The following SLC35G2 variants were observed in gnomAD, a reference collection of about 807,000 sequenced individuals.
SLC35G2 encodes the protein solute carrier family 35 member G2.
Under a neutral mutation model 27.2 loss-of-function variants are expected in SLC35G2, and 20 were observed. The observed-to-expected ratio is 0.74, with a 90% CI of 0.52 to 1.07. The LOEUF is 1.07. Ranked by LOEUF, SLC35G2 falls within the 50% of genes least tolerant of loss-of-function variation. The pLI, the probability that SLC35G2 is intolerant of heterozygous loss-of-function variation, is 0.00. For synonymous variants in SLC35G2, 148 were observed against 165.3 expected (o/e 0.90, Z 0.80); for missense variants, 416 against 493.3 (o/e 0.84, Z 1.48).
chr3:136,822,823 T>C (rs1191151862), intron 1 of SLC35G2, among the ~76,000 whole-genome samples: 3 of 152,216 alleles, frequency 2.0e-5, no homozygotes, highest in Admixed American at 1.3e-4. Flanking sequence ...GATGGACACT[T>C]ACGTTGCTTC....
At chr3:136,828,125 C>T (rs1227484462) in intron 1 of SLC35G2, among the ~76,000 whole-genome samples, 1 of 152,204 alleles carries the variant, frequency 6.6e-6, no homozygotes, top group Admixed American at 6.5e-5. Flanking sequence ...CCGCACCCAA[C>T]CTTTTTAATG....
intron 1 of SLC35G2, chr3:136,838,937 C>T (rs1051672076): frequency 5.3e-5 from 8 of 152,180 alleles, no homozygotes; most frequent in African/African-American, 1.4e-4. Flanking sequence ...ATTTAATTAG[C>T]ATCTAACCTA....
chr3:136,825,417 A>G (rs1161334621), intron 1 of SLC35G2, among the ~76,000 whole-genome samples: 1 of 151,552 alleles, frequency 6.6e-6, no homozygotes, highest in East Asian at 1.9e-4. Context: ...AATTTTTTGT[A>G]TTTTTAGTAG....
chr3:136,848,205 T>A (rs1937480658), intron 1 of SLC35G2, among the ~76,000 whole-genome samples: 1 of 152,230 alleles, frequency 6.6e-6, no homozygotes, highest in Non-Finnish European at 1.5e-5. Context: ...GATTAGGGGC[T>A]ATTTATTTAT....
chr3:136,831,222 T>C (rs1936722766), intron 1 of SLC35G2, among the ~76,000 whole-genome samples: 1 of 152,206 alleles, frequency 6.6e-6, no homozygotes, highest in Non-Finnish European at 1.5e-5. Context: ...CTTTTTGGAT[T>C]CCCTTACTTT....
In SLC35G2 at chr3:136,821,185, T is replaced by C. The variant is rs374755836; in HGVS notation, c.-19+1557T>C. On this transcript the variant is annotated intron_variant, in intron 1 of 1. Coordinates refer to ENST00000446465, the MANE Select transcript of SLC35G2 (RefSeq NM_025246.3). Reference sequence around the variant, plus strand: ...AATGCATAAACATAGAAAACCATTGTAAACAGATTTTCATTTAGATGAACA... The same window carrying C: ...AATGCATAAACATAGAAAACCATTGCAAACAGATTTTCATTTAGATGAACA... 2.6e-5 allele frequency among the ~76,000 whole-genome samples: 4 copies of C among 152,224 alleles called. No individual in the cohort carries two copies. The East Asian group carries it at 5.8e-4, about 22-fold the overall frequency.
intron 1 of SLC35G2, among the ~76,000 whole-genome samples, chr3:136,841,544 C>T (rs1190593579): frequency 6.6e-6 from 1 of 151,992 alleles, no homozygotes; most frequent in Admixed American, 6.6e-5. Flanking sequence ...GCCTGACTAA[C>T]ATGGAGAAAC....
In SLC35G2 at chr3:136,821,084, G is replaced by T. The variant is rs138055665; in HGVS notation, c.-19+1456G>T. 1.1e-3 allele frequency among the ~76,000 whole-genome samples: 167 copies of T among 152,152 alleles called. 1 individual carries two copies. In the East Asian group the frequency reaches 0.03, roughly 28 times the overall value. Reference sequence around the variant, plus strand: ...TGTGAAGTTCTTAAAGTTTACATTTGTATTTTTCAAAAACATTGGTATTGT... The same window carrying T: ...TGTGAAGTTCTTAAAGTTTACATTTTTATTTTTCAAAAACATTGGTATTGT... On this transcript the variant is annotated intron_variant, in intron 1 of 1. Coordinates refer to ENST00000446465, the MANE Select transcript of SLC35G2 (RefSeq NM_025246.3).
In SLC35G2 at chr3:136,846,918, C is replaced by G. The variant is rs556753202; in HGVS notation, c.-18-7525C>G. Among the ~76,000 whole-genome samples the G allele has an allele frequency of 2.6e-5, 4 of 152,214 alleles. No individual in the cohort carries two copies. The South Asian group carries it at 8.3e-4, about 32-fold the overall frequency. On this transcript the variant is annotated intron_variant, in intron 1 of 1. Coordinates refer to ENST00000446465, the MANE Select transcript of SLC35G2 (RefSeq NM_025246.3). The stretch of plus-strand genomic sequence containing the variant: ...GGCATGGTGGCTCACACCTGTAATC[C>G]CAGTACTTTGCGCTAAGGCGAGTGA...
intron 1 of SLC35G2, among the ~76,000 whole-genome samples, chr3:136,850,065 C>A (rs1937576484): frequency 6.6e-6 from 1 of 152,150 alleles, no homozygotes; most frequent in African/African-American, 2.4e-5. Flanking sequence ...TGAGATCATG[C>A]CACTGCACTC....
intron 1 of SLC35G2, among the ~76,000 whole-genome samples, chr3:136,834,753 T>G (rs1936820742): frequency 6.6e-6 from 1 of 152,222 alleles, no homozygotes; most frequent in African/African-American, 2.4e-5. Flanking sequence ...ACATATTAAC[T>G]CATGTACTTT....
chr3:136,825,076 G>A (rs868331468), intron 1 of SLC35G2, among the ~76,000 whole-genome samples: 4 of 152,046 alleles, frequency 2.6e-5, no homozygotes, highest in Admixed American at 6.6e-5. Flanking sequence ...TGCAAACGTG[G>A]ATGTCCTTTA....
At position 136,855,826 on chromosome 3, in the gene SLC35G2, T is replaced by C. The variant is rs1320665495; in HGVS notation, c.*127T>C. ...CTATAAAATATATAATATATACAAA[T>C]GCAGAAAATTTATTCTAGTCTAATA... On this transcript the variant is annotated 3_prime_UTR_variant, in exon 2 of 2. Coordinates refer to ENST00000446465, the MANE Select transcript of SLC35G2 (RefSeq NM_025246.3). The C allele has an allele frequency of 1.5e-6, 1 of 670,046 alleles. No individual in the cohort carries two copies. Among genetic ancestry groups the C allele is most frequent in the Non-Finnish European group, 2.5e-6 (1 of 399,952 alleles). The allele number at this position is 670,046 out of a possible 1,614,324, so 41.5% of individuals were successfully genotyped here.
intron 1 of SLC35G2, chr3:136,843,119 C>G (rs531474243): frequency 1.3e-5 from 2 of 150,992 alleles, no homozygotes; most frequent in South Asian, 4.2e-4. Context: ...GTCAGGAGAT[C>G]AAGACCATCC....
At position 136,855,292 on chromosome 3, in the gene SLC35G2, A is replaced by G. The variant is rs1056882457; in HGVS notation, c.832A>G (p.Ile278Val). The G allele has an allele frequency of 5.6e-6, 9 of 1,614,106 alleles. No individual in the cohort carries two copies. The highest frequency in any genetic ancestry group is 7.6e-6 in the Non-Finnish European group (9 of 1,180,028). The change falls in exon 2 of 2, where the codon ATC (isoleucine) becomes GTC (valine). Residue 278 changes from isoleucine to valine, a missense_variant. Physicochemically the swap from Ile to Val is conservative, Grantham distance 29. Coordinates refer to ENST00000446465, the MANE Select transcript of SLC35G2 (RefSeq NM_025246.3). ...TALSMIVYRS[I>V]KEKISMWTAL... is the part of the protein sequence containing the mutation. The stretch of plus-strand genomic sequence containing the variant: ...TCTCTCAATGATAGTATACAGATCC[A>G]TCAAGGAGAAGATCAGCATGTGGAC...
intron 1 of SLC35G2, among the ~76,000 whole-genome samples, chr3:136,852,354 A>G (rs1244244747): frequency 6.6e-6 from 1 of 152,176 alleles, no homozygotes; most frequent in East Asian, 1.9e-4. Flanking sequence ...AAATAGGAAT[A>G]GAACAGTTAG....
intron 1 of SLC35G2, among the ~76,000 whole-genome samples, chr3:136,848,214 A>G (rs1937481164): frequency 2.0e-5 from 3 of 152,228 alleles, no homozygotes; most frequent in Non-Finnish European, 2.9e-5. Context: ...CTATTTATTT[A>G]TCAACACATT....
chr3:136,855,646 A>C lies in SLC35G2; in HGVS notation c.1186A>C (p.Arg396=). 1 of 1,612,934 alleles carries C rather than the reference A, an allele frequency of 6.2e-7. No homozygotes were observed. Among genetic ancestry groups the C allele is most frequent in the Non-Finnish European group, 8.5e-7 (1 of 1,178,986 alleles). The part of the protein sequence containing the change: ...FVLAGYKLYW[R]NLRKQDYQEI... ...CCTTGCTGGCTATAAACTTTACTGG[A>C]GGAATTTAAGAAAGCAGGACTACCA... is the stretch of plus-strand genomic sequence containing the variant. The change falls in exon 2 of 2, where the codon AGG becomes CGG. Residue 396 remains arginine, a synonymous_variant. Transcript: ENST00000446465.
Position 136,819,262 on chromosome 3 carries a change from A to ATCC in SLC35G2, c.-383_-381dup, listed in dbSNP as rs1452154862. ...TCGGCGGCGGCGGACTGGGACCTTG[A>ATCC]TCCTGCCTGCCCGGCCGCCCGACAA... On this transcript the variant is annotated 5_prime_UTR_variant, in exon 1 of 2. Transcript: ENST00000446465. 5 of 152,244 alleles carry ATCC rather than the reference A, an allele frequency of 3.3e-5. No homozygotes were observed. The highest frequency in any genetic ancestry group is 7.3e-5 in the Non-Finnish European group (5 of 68,078). The allele number at this position is 152,244 out of a possible 1,614,324, so 9.4% of individuals were successfully genotyped here.
Sources: gnomAD v4.1 joint callset for allele counts (sites outside exome capture counted in the v4.1 genomes callset) on GRCh38, gnomAD v4.1.1 for gene constraint, MANE v1.5 for transcripts, NCBI Gene and HGNC (gene_info 2026-07-23, HGNC 2026-07-21) for gene names.